The following MYT1L variants were observed in gnomAD, a reference collection of about 807,000 sequenced individuals.
The protein encoded by MYT1L is myelin transcription factor 1 like, also known as myelin transcription factor 1-like protein.
In MYT1L, 12 loss-of-function variants were observed where a neutral mutation model predicts 126.7. The observed-to-expected ratio is 0.09, with a 90% confidence interval of 0.06 to 0.15. The LOEUF (loss-of-function observed/expected upper bound fraction) is 0.15, where lower values mean the gene tolerates loss of function less well. MYT1L is among the 10% of genes least tolerant of loss of function. MYT1L has a pLI of 1.00. For synonymous variants in MYT1L, 541 were observed against 604.2 expected, an observed-to-expected ratio of 0.90 and a Z score of 1.53; for missense variants, 979 against 1,585.2, an observed-to-expected ratio of 0.62 and a Z score of 6.49.
At chr2:2,095,880 A>T (rs763207368) in intron 3 of MYT1L, among the ~76,000 whole-genome samples, 4 of 152,096 alleles carry the variant, frequency 2.6e-5, no homozygotes, top group Non-Finnish European at 5.9e-5. Context: ...TATCATGCCC[A>T]GGGGGAATTG....
At chr2:2,132,821 C>A (rs1287248181) in intron 3 of MYT1L, among the ~76,000 whole-genome samples, 3 of 151,864 alleles carry the variant, frequency 2.0e-5, no homozygotes, top group African/African-American at 7.3e-5. Context: ...AATATATGAA[C>A]TAAAAAATTA....
intron 3 of MYT1L, among the ~76,000 whole-genome samples, chr2:2,147,658 G>T (rs1372585093): frequency 6.6e-6 from 1 of 152,322 alleles, no homozygotes; most frequent in East Asian, 1.9e-4. Flanking sequence ...AGGACGGGGG[G>T]CGGGTGGGTG....
At chr2:1,845,030 G>C (rs12714321) in intron 19 of MYT1L, among the ~76,000 whole-genome samples, 10 of 150,530 alleles carry the variant, frequency 6.6e-5, no homozygotes, top group Admixed American at 1.3e-4. Context: ...CCAGGCTGGA[G>C]TGCAGGGGCA....
At chr2:1,833,389 C>T (rs1156884164) in intron 21 of MYT1L, among the ~76,000 whole-genome samples, 1 of 152,118 alleles carries the variant, frequency 6.6e-6, no homozygotes, top group Non-Finnish European at 1.5e-5. Context: ...GCCTCATGGT[C>T]CCTGGTCATG....
At chr2:2,206,741 C>G (rs983438986) in intron 2 of MYT1L, among the ~76,000 whole-genome samples, 1 of 152,216 alleles carries the variant, frequency 6.6e-6, no homozygotes, top group African/African-American at 2.4e-5. Flanking sequence ...ATCCACAGTT[C>G]ATCCTCCTGT....
chr2:2,192,853 G>A (rs1389051327), intron 2 of MYT1L, among the ~76,000 whole-genome samples: 1 of 152,162 alleles, frequency 6.6e-6, no homozygotes, highest in East Asian at 1.9e-4. Flanking sequence ...TCTAGCCAAC[G>A]AGTCAAGGCT....
chr2:2,121,688 T>G (rs1205942884), intron 3 of MYT1L, among the ~76,000 whole-genome samples: 4 of 152,052 alleles, frequency 2.6e-5, no homozygotes, highest in African/African-American at 7.2e-5. Context: ...GGTTTCACCT[T>G]GTTGGTCAGG....
At chr2:1,987,804 A>T (rs1415868290) in intron 5 of MYT1L, among the ~76,000 whole-genome samples, 1 of 152,220 alleles carries the variant, frequency 6.6e-6, no homozygotes, top group Non-Finnish European at 1.5e-5. Flanking sequence ...TAATTGTTAC[A>T]GGAGTGACAT....
At chr2:2,110,991 T>C (rs542057587) in intron 3 of MYT1L, among the ~76,000 whole-genome samples, 10 of 152,282 alleles carry the variant, frequency 6.6e-5, no homozygotes, top group Admixed American at 3.9e-4. Flanking sequence ...CACAGCCAGC[T>C]ATGGGGCATG....
chr2:1,800,949 G>A (rs2147903600), intron 23 of MYT1L, among the ~76,000 whole-genome samples: 1 of 152,234 alleles, frequency 6.6e-6, no homozygotes, highest in East Asian at 1.9e-4. Flanking sequence ...TGTGGGCAAT[G>A]TGAGGGTCGG....
intron 19 of MYT1L, among the ~76,000 whole-genome samples, chr2:1,844,488 C>T (rs1268869569): frequency 6.6e-6 from 1 of 152,132 alleles, no homozygotes; most frequent in Admixed American, 6.5e-5. Context: ...AGTGGAGATT[C>T]TCTACAGAAT....
chr2:1,844,742 C>G (rs2042267863), intron 19 of MYT1L, among the ~76,000 whole-genome samples: 1 of 152,200 alleles, frequency 6.6e-6, no homozygotes, highest in Non-Finnish European at 1.5e-5. Flanking sequence ...TGACTTTCAC[C>G]TTTATCTGCA....
chr2:2,172,488 T>C (rs2090189436), intron 3 of MYT1L, among the ~76,000 whole-genome samples: 2 of 152,216 alleles, frequency 1.3e-5, no homozygotes, highest in African/African-American at 4.8e-5. Context: ...GGATGCGCAA[T>C]GCAACTTTTA....
At chr2:1,882,240 C>T (rs192927582) in intron 18 of MYT1L, among the ~76,000 whole-genome samples, 1 of 152,296 alleles carries the variant, frequency 6.6e-6, no homozygotes, top group Admixed American at 6.5e-5. Flanking sequence ...GCCGTGCTTG[C>T]TGGAGCCCCA....
chr2:2,122,872 T>TGTGTGTGTGTGTGAGA (rs553951630), intron 3 of MYT1L, among the ~76,000 whole-genome samples: 1,916 of 132,824 alleles, frequency 0.014, 26 homozygotes, highest in Middle Eastern at 0.042. Flanking sequence ...TGTGTGTGTG[T>TGTGTGTGTGTGTGAGA]GAGAGAGAGA....
At chr2:2,157,028 A>G (rs1301064769) in intron 3 of MYT1L, among the ~76,000 whole-genome samples, 1 of 152,228 alleles carries the variant, frequency 6.6e-6, no homozygotes, top group African/African-American at 2.4e-5. Flanking sequence ...AGTTTTGACC[A>G]TGTTACAATG....
At chr2:2,274,361 A>T (rs1463273545) in intron 2 of MYT1L, among the ~76,000 whole-genome samples, 1 of 149,584 alleles carries the variant, frequency 6.7e-6, no homozygotes, top group Non-Finnish European at 1.5e-5. Context: ...GAGAGAAGGG[A>T]AGGAGGGAGG....
At position 2,299,169 on chromosome 2, in the gene MYT1L, A is replaced by G. The variant is rs141191507; in HGVS notation, c.-520-14666T>C. On this transcript the variant is annotated intron_variant, in intron 1 of 24. Transcript: ENST00000647738. ...GCCCTGCCAACTCTGTGTTTATTAA[A>G]CAGGGGCATGACTTGTTCATGAAAC... 4.6e-5 allele frequency among the ~76,000 whole-genome samples: 7 copies of G among 152,268 alleles called. No individual in the cohort carries two copies. The East Asian group carries it at 1.4e-3, about 29-fold the overall frequency.
intron 3 of MYT1L, among the ~76,000 whole-genome samples, chr2:2,075,575 T>C (rs986041663): frequency 1.3e-5 from 2 of 152,232 alleles, no homozygotes; most frequent in African/African-American, 2.4e-5. Context: ...AGTACTCAAC[T>C]GTGAGTTTCA....
Sources: allele counts gnomAD v4.1 joint callset (sites outside exome capture counted in the v4.1 genomes callset), GRCh38; gene constraint gnomAD v4.1.1; transcripts MANE v1.5; gene names NCBI Gene and HGNC (gene_info 2026-07-23, HGNC 2026-07-21).